WDFY3: variants seen among roughly 807,000 people sequenced by gnomAD.
The protein encoded by WDFY3 is WD repeat and FYVE domain-containing protein 3.
In WDFY3, 66 loss-of-function variants were observed where a neutral mutation model predicts 409.6. The ratio of observed to expected loss-of-function variants is 0.16; its 90% CI spans 0.13 to 0.20. The LOEUF (loss-of-function observed/expected upper bound fraction) is 0.20. Ranked by LOEUF, WDFY3 falls within the 10% of genes least tolerant of loss-of-function variation. WDFY3 has a pLI of 1.00. For missense variants in WDFY3, 3,031 were observed against 4,298.1 expected, an observed-to-expected ratio of 0.71 and a Z score of 8.24; for synonymous variants, 1,521 against 1,537.1, an observed-to-expected ratio of 0.99 and a Z score of 0.25.
chr4:84,806,157 T>C (rs1038692489), intron 15 of WDFY3, among the ~76,000 whole-genome samples: 8 of 152,202 alleles, frequency 5.3e-5, no homozygotes, highest in Non-Finnish European at 1.2e-4. Context: ...TATAAGCTGA[T>C]GTAATTTGTT....
chr4:84,913,364 G>C (rs1768040704), intron 2 of WDFY3, among the ~76,000 whole-genome samples: 1 of 152,152 alleles, frequency 6.6e-6, no homozygotes, highest in African/African-American at 2.4e-5. Context: ...GGAGAAAAAT[G>C]TTCCCAGATG....
chr4:84,752,393 G>A (rs554173458), intron 35 of WDFY3, among the ~76,000 whole-genome samples: 2 of 152,174 alleles, frequency 1.3e-5, no homozygotes, highest in East Asian at 1.9e-4. Context: ...GTCCATGCCT[G>A]TAATCTCAGC....
At chr4:84,922,100 G>A (rs1429594971) in intron 2 of WDFY3, among the ~76,000 whole-genome samples, 1 of 151,838 alleles carries the variant, frequency 6.6e-6, no homozygotes, top group African/African-American at 2.4e-5. Context: ...CCGGATTCTA[G>A]TATTCTACTT....
At chr4:84,870,529 T>G (rs1261110594) in intron 3 of WDFY3, among the ~76,000 whole-genome samples, 2 of 152,080 alleles carry the variant, frequency 1.3e-5, no homozygotes, top group Non-Finnish European at 2.9e-5. Flanking sequence ...ACACTAGGTT[T>G]TCAAGATCTG....
chr4:84,929,149 G>A (rs1344140988), intron 2 of WDFY3, among the ~76,000 whole-genome samples: 1 of 152,178 alleles, frequency 6.6e-6, no homozygotes, highest in Admixed American at 6.5e-5. Flanking sequence ...CTACAGTAAA[G>A]GCTCAAGTGG....
chr4:84,789,617 T>TA (rs1748130121), intron 22 of WDFY3, 109 bp downstream of exon 22: 1 of 1,201,652 alleles, frequency 8.3e-7, no homozygotes. Flanking sequence ...AAAGTAATTT[T>TA]AAAAATATCC....
rs143452838 is a variant in WDFY3, at chr4:84,916,642, T to C, written c.-132+15628A>G. Among the ~76,000 whole-genome samples the C allele has an allele frequency of 6.6e-3, 1,011 of 152,234 alleles. 12 individuals are homozygous for C. The highest frequency in any genetic ancestry group is 0.023 in the African/African-American group (944 of 41,536). ...CCAAATAGAATACAAGAACTTAAAA[T>C]TAAATGAAGAAATCCCAGAGCTCCA... On this transcript the variant is annotated intron_variant, in intron 2 of 67. Coordinates refer to ENST00000295888, the MANE Select transcript of WDFY3 (RefSeq NM_014991.6).
At chr4:84,761,580 A>G (rs1742602682) in intron 32 of WDFY3, among the ~76,000 whole-genome samples, 1 of 152,152 alleles carries the variant, frequency 6.6e-6, no homozygotes, top group African/African-American at 2.4e-5. Context: ...AAACACCAAA[A>G]GCAATGGCAA....
At chr4:84,912,016 G>A (rs915723468) in intron 2 of WDFY3, among the ~76,000 whole-genome samples, 7 of 152,180 alleles carry the variant, frequency 4.6e-5, no homozygotes, top group African/African-American at 1.7e-4. Flanking sequence ...TTAAAACACT[G>A]TGCGATGCTA....
At chr4:84,889,056 T>A (rs1369480581) in intron 3 of WDFY3, among the ~76,000 whole-genome samples, 1 of 152,196 alleles carries the variant, frequency 6.6e-6, no homozygotes, top group African/African-American at 2.4e-5. Context: ...ATATTGTGAC[T>A]AACGATCTAA....
rs569150769 is a variant in WDFY3, at chr4:84,673,002, G to A, written c.10458-11C>T. Reference sequence around the variant, plus strand: ...TGAAAGCGACTGCACCTAAAGGAAAGGAAAAGTCAATTAATTATAGGTCTT... The same window carrying A: ...TGAAAGCGACTGCACCTAAAGGAAAAGAAAAGTCAATTAATTATAGGTCTT... On this transcript the variant is annotated splice_polypyrimidine_tract_variant and intron_variant, in intron 67 of 67. Transcript: ENST00000295888. 1.2e-6 allele frequency: 2 copies of A among 1,613,666 alleles called. No homozygotes were observed. Among genetic ancestry groups the A allele is most frequent in the East Asian group, 2.2e-5 (1 of 44,868 alleles).
chr4:84,802,831 G>A (rs1364156540), intron 16 of WDFY3, among the ~76,000 whole-genome samples: 1 of 152,118 alleles, frequency 6.6e-6, no homozygotes, highest in Non-Finnish European at 1.5e-5. Flanking sequence ...TTAAAGGCAA[G>A]CCTATTGTTT....
At position 84,765,115 on chromosome 4, in the gene WDFY3, ATTAT is replaced by A. The variant is rs1407933163; in HGVS notation, c.5188+691_5188+694del. On this transcript the variant is annotated intron_variant, in intron 32 of 67. Coordinates refer to ENST00000295888, the MANE Select transcript of WDFY3 (RefSeq NM_014991.6). ...GTTACATGACAAATGTATTTTTAAA[ATTAT>A]TTAACTGAATGACTTTGCCTTTAAA... is the stretch of plus-strand genomic sequence containing the variant. Among the ~76,000 whole-genome samples, 3 of 152,214 alleles carry A rather than the reference ATTAT, an allele frequency of 2.0e-5. 1 individual carries two copies. The highest frequency in any genetic ancestry group is 2.0e-4 in the Admixed American group (3 of 15,280).
intron 67 of WDFY3, among the ~76,000 whole-genome samples, chr4:84,673,259 T>C (rs1725719418): frequency 6.6e-6 from 1 of 152,168 alleles, no homozygotes; most frequent in African/African-American, 2.4e-5. Flanking sequence ...GATTTTCCTA[T>C]ACAATGAGGC....
intron 3 of WDFY3, among the ~76,000 whole-genome samples, chr4:84,881,651 G>C (rs1005427722): frequency 2.6e-5 from 4 of 151,814 alleles, no homozygotes; most frequent in African/African-American, 9.7e-5. Context: ...CTTTGGGAGG[G>C]CGAGGCAAGC....
At chr4:84,787,102 ATG>A in intron 23 of WDFY3, among the ~76,000 whole-genome samples, 1 of 152,308 alleles carries the variant, frequency 6.6e-6, no homozygotes, top group African/African-American at 2.4e-5. Flanking sequence ...TCTAGAGAAT[ATG>A]TGTGTGTGTT....
chr4:84,698,796 T>C (rs1416230478), intron 56 of WDFY3, among the ~76,000 whole-genome samples: 1 of 152,156 alleles, frequency 6.6e-6, no homozygotes, highest in South Asian at 2.1e-4. Context: ...CGGGTGAGTC[T>C]TGTGCCTCAG....
chr4:84,936,148 A>G (rs1007596971), intron 1 of WDFY3, among the ~76,000 whole-genome samples: 1 of 152,192 alleles, frequency 6.6e-6, no homozygotes, highest in Non-Finnish European at 1.5e-5. Flanking sequence ...ATGATTAGCT[A>G]TATCTCCCTG....
At position 84,882,889 on chromosome 4, in the gene WDFY3, G is replaced by A. The variant is rs566725416; in HGVS notation, c.-32+14022C>T. On this transcript the variant is annotated intron_variant, in intron 3 of 67. Coordinates refer to ENST00000295888, the MANE Select transcript of WDFY3 (RefSeq NM_014991.6). ...CATGTGGCTCATTTTTTCAGTTTTTGTAGAGTTGGGGTCTCACTACGTTGC... is the reference window on the plus strand; with the variant it reads ...CATGTGGCTCATTTTTTCAGTTTTTATAGAGTTGGGGTCTCACTACGTTGC... Among the ~76,000 whole-genome samples, 3 of 152,014 alleles carry A rather than the reference G, an allele frequency of 2.0e-5. No individual in the cohort carries two copies. In the South Asian group the frequency reaches 6.2e-4, roughly 32 times the overall value.
Sources: gnomAD v4.1 joint callset for allele counts (sites outside exome capture counted in the v4.1 genomes callset) on GRCh38, gnomAD v4.1.1 for gene constraint, MANE v1.5 for transcripts, NCBI Gene and HGNC (gene_info 2026-07-23, HGNC 2026-07-21) for gene names.